Variants in VEPH1 observed in about 807,000 individuals in gnomAD.
VEPH1 encodes ventricular zone-expressed PH domain-containing protein homolog 1.
A neutral mutation model predicts 85.2 loss-of-function variants in VEPH1; 80 were observed. The observed-to-expected ratio is 0.94, with a 90% CI of 0.78 to 1.13. VEPH1 has a LOEUF of 1.13. VEPH1 is among the 50% of genes most tolerant of loss of function. VEPH1 has a pLI of 0.00. For missense variants in VEPH1, 955 were observed against 980.5 expected, an observed-to-expected ratio of 0.97 and a Z score of 0.35; for synonymous variants, 297 against 348.0, an observed-to-expected ratio of 0.85 and a Z score of 1.63.
chr3:157,339,292 A>G (rs1723275446), intron 9 of VEPH1, among the ~76,000 whole-genome samples: 1 of 152,080 alleles, frequency 6.6e-6, no homozygotes, highest in African/African-American at 2.4e-5. Context: ...CTTGTCTAGC[A>G]TTTTAGGGGA....
intron 5 of VEPH1, among the ~76,000 whole-genome samples, chr3:157,426,478 A>G (rs990508033): frequency 1.3e-5 from 2 of 152,198 alleles, no homozygotes; most frequent in African/African-American, 4.8e-5. Context: ...ATTATTTTTG[A>G]ACCAAACCTC....
In VEPH1 at chr3:157,437,730, T is replaced by C. The variant is rs866911626; in HGVS notation, c.530-9242A>G. On this transcript the variant is annotated intron_variant, in intron 4 of 13. Coordinates refer to ENST00000362010, the MANE Select transcript of VEPH1 (RefSeq NM_001167912.2). Reference sequence around the variant, plus strand: ...CCGCAGAGGCCAGGCTGACCAGTGCTCTGGACGAGCTGCTGCAGGCGACCC... The same window carrying C: ...CCGCAGAGGCCAGGCTGACCAGTGCCCTGGACGAGCTGCTGCAGGCGACCC... 46 of 1,513,310 alleles carry C rather than the reference T, an allele frequency of 3.0e-5. No homozygotes were observed. The Middle Eastern group carries it at 7.0e-4, about 23-fold the overall frequency. 93.7% of individuals were successfully genotyped at this position (1,513,310 alleles called of 1,614,324 possible). A position where few individuals can be genotyped will look rare whatever the true frequency, so the allele number is the denominator to read the frequency against.
chr3:157,411,000 G>A (rs538405880), intron 6 of VEPH1, among the ~76,000 whole-genome samples: 2 of 152,292 alleles, frequency 1.3e-5, no homozygotes, highest in South Asian at 4.1e-4. Flanking sequence ...GCAGCTACAC[G>A]TGGTCATATT....
chr3:157,453,528 A>G (rs778927744), intron 4 of VEPH1, among the ~76,000 whole-genome samples: 5 of 152,186 alleles, frequency 3.3e-5, no homozygotes, highest in Admixed American at 6.5e-5. Context: ...TGTTATTGTA[A>G]TTATCATCAT....
chr3:157,322,732 C>T (rs144137585), intron 9 of VEPH1, among the ~76,000 whole-genome samples: 9 of 152,202 alleles, frequency 5.9e-5, no homozygotes, highest in Non-Finnish European at 1.0e-4. Context: ...TTGACACTAG[C>T]GTGACAGGAA....
At chr3:157,395,123 G>C (rs1730239608) in intron 6 of VEPH1, among the ~76,000 whole-genome samples, 1 of 152,204 alleles carries the variant, frequency 6.6e-6, no homozygotes, top group African/African-American at 2.4e-5. Context: ...TGTAGAGTGA[G>C]TTCCTTGGTC....
chr3:157,453,681 C>T (rs1199137706), intron 4 of VEPH1, among the ~76,000 whole-genome samples: 3 of 152,158 alleles, frequency 2.0e-5, no homozygotes, highest in East Asian at 3.8e-4. Flanking sequence ...GATGACTCCT[C>T]AGGCTGTCTG....
Position 157,495,459 on chromosome 3 carries a change from C to T in VEPH1, c.-110G>A, listed in dbSNP as rs1426366478. ...GTAGAAGGAGGTATACTTCTTATTC[C>T]ATGAAAGGTCATTTTTCTCCAGACT... On this transcript the variant is annotated 5_prime_UTR_variant, in exon 2 of 14. It removes an upstream start codon present in the reference 5' UTR. Coordinates refer to ENST00000362010, the MANE Select transcript of VEPH1 (RefSeq NM_001167912.2). 1.3e-6 allele frequency: 2 copies of T among 1,510,538 alleles called. No homozygotes were observed. The highest frequency in any genetic ancestry group is 2.8e-5 in the African/African-American group (2 of 71,662). The allele number at this position is 1,510,538 out of a possible 1,614,324, so 93.6% of individuals were successfully genotyped here.
intron 9 of VEPH1, among the ~76,000 whole-genome samples, chr3:157,338,642 C>T (rs1723202023): frequency 1.3e-5 from 2 of 152,090 alleles, no homozygotes; most frequent in African/African-American, 4.8e-5. Context: ...ATTCAGATAT[C>T]ATTTATTTGT....
intron 5 of VEPH1, among the ~76,000 whole-genome samples, chr3:157,414,551 G>T (rs1022176643): frequency 6.6e-6 from 1 of 152,128 alleles, no homozygotes; most frequent in Admixed American, 6.5e-5. Context: ...AAGCAGAAAA[G>T]ATCTCCCACA....
chr3:157,426,806 C>CTTTT (rs532205431), intron 5 of VEPH1, among the ~76,000 whole-genome samples: 2 of 116,246 alleles, frequency 1.7e-5, no homozygotes, highest in Admixed American at 9.2e-5. Context: ...AAATCTGTTG[C>CTTTT]TTTTTTTTTT....
At chr3:157,497,414 G>A (rs145308876) in intron 1 of VEPH1, among the ~76,000 whole-genome samples, 148 of 152,236 alleles carry the variant, frequency 9.7e-4, no homozygotes, top group South Asian at 1.7e-3. Context: ...AAAGTAGTTC[G>A]CACCCTGGGA....
At chr3:157,440,015 G>T (rs901124211) in intron 4 of VEPH1, among the ~76,000 whole-genome samples, 2 of 152,186 alleles carry the variant, frequency 1.3e-5, no homozygotes, top group African/African-American at 4.8e-5. Context: ...CTCCCAAAGT[G>T]CTGGGATTAC....
intron 9 of VEPH1, among the ~76,000 whole-genome samples, chr3:157,322,857 A>T (rs527589861): frequency 9.8e-5 from 15 of 152,364 alleles, no homozygotes; most frequent in Non-Finnish European, 1.9e-4. Context: ...AATTGTATGA[A>T]TGTCCTAAAT....
chr3:157,393,787 T>G (rs1329790233), intron 6 of VEPH1, among the ~76,000 whole-genome samples: 1 of 152,232 alleles, frequency 6.6e-6, no homozygotes, highest in East Asian at 1.9e-4. Context: ...AAAAGCCATT[T>G]TTAACCAGCG....
chr3:157,356,074 T>C (rs561216561), intron 9 of VEPH1, among the ~76,000 whole-genome samples: 7 of 152,024 alleles, frequency 4.6e-5, no homozygotes, highest in Admixed American at 2.0e-4. Flanking sequence ...TTTTTGCATA[T>C]TTTTTGTAGA....
intron 9 of VEPH1, among the ~76,000 whole-genome samples, chr3:157,346,463 A>C (rs1724233609): frequency 6.6e-6 from 1 of 152,202 alleles, no homozygotes; most frequent in African/African-American, 2.4e-5. Context: ...TTCTAAGTTG[A>C]AATTAGATGG....
chr3:157,358,257 G>C (rs1478293128), intron 9 of VEPH1, among the ~76,000 whole-genome samples: 2 of 152,100 alleles, frequency 1.3e-5, no homozygotes, highest in Non-Finnish European at 2.9e-5. Context: ...AGGTAAGTAA[G>C]GTAATCCAAG....
In VEPH1 at chr3:157,261,077, T is replaced by C; in HGVS notation, c.*57A>G. On this transcript the variant is annotated 3_prime_UTR_variant, in exon 14 of 14. Transcript: ENST00000362010. ...TAAATTTAGCTCTTTTTCTTGACAT[T>C]GGCAATGATAATACAATGCCTGTGG... is the stretch of plus-strand genomic sequence containing the variant. The C allele has an allele frequency of 3.2e-6, 5 of 1,577,760 alleles. No individual in the cohort carries two copies. Among genetic ancestry groups the C allele is most frequent in the Non-Finnish European group, 4.3e-6 (5 of 1,159,856 alleles).
Sources: gnomAD v4.1 joint callset for allele counts (sites outside exome capture counted in the v4.1 genomes callset) on GRCh38, gnomAD v4.1.1 for gene constraint, MANE v1.5 for transcripts, NCBI Gene and HGNC (gene_info 2026-07-23, HGNC 2026-07-21) for gene names.